Variants in CNKSR3 observed in about 807,000 individuals in gnomAD.
CNKSR3 encodes the protein connector enhancer of kinase suppressor of ras 3.
Under a neutral mutation model 67.7 loss-of-function variants are expected in CNKSR3, and 36 were observed. The observed-to-expected ratio is 0.53, with a 90% confidence interval of 0.41 to 0.70. The LOEUF is 0.70. Among genes scored for constraint, CNKSR3 ranks in the 30% least tolerant of loss-of-function variants. The pLI, the probability that CNKSR3 is intolerant of heterozygous loss-of-function variation, is 0.00. For synonymous variants in CNKSR3, 281 were observed against 271.4 expected, an observed-to-expected ratio of 1.04 and a Z score of -0.35; for missense variants, 630 against 695.2, an observed-to-expected ratio of 0.91 and a Z score of 1.05.
At chr6:154,407,731 C>G (rs1784826017) in intron 12 of CNKSR3, among the ~76,000 whole-genome samples, 1 of 152,078 alleles carries the variant, frequency 6.6e-6, no homozygotes, top group Non-Finnish European at 1.5e-5. Context: ...GGATTAGAGG[C>G]ATGAGCCACC....
rs1284892777 is a variant in CNKSR3 at position 154,496,841 on chromosome 6, C to T, written c.52+13222G>A. On this transcript the variant is annotated intron_variant, in intron 1 of 12. Transcript: ENST00000607772. ...AATGCTAATGATGTAAATGTTTTTC[C>T]CTCATCCTCAAAACCTTTTATCAGG... Among the ~76,000 whole-genome samples, 3 of 151,996 alleles carry T rather than the reference C, an allele frequency of 2.0e-5. No individual in the cohort carries two copies. In the East Asian group the frequency reaches 5.8e-4, roughly 29 times the overall value.
chr6:154,391,621 A>G lies in CNKSR3; in HGVS notation c.*14733T>C, dbSNP rs1376204136. On this transcript the variant is annotated 3_prime_UTR_variant, in exon 13 of 13. Coordinates refer to ENST00000607772, the MANE Select transcript of CNKSR3 (RefSeq NM_173515.4). ...ACTTCAATATGTGAATTTGGAGAGA[A>G]CGTAATTTAGTTCATGCCATTTTGT... 2.0e-5 allele frequency: 3 copies of G among 152,234 alleles called. No individual in the cohort carries two copies. Among genetic ancestry groups the G allele is most frequent in the Non-Finnish European group, 4.4e-5 (3 of 68,036 alleles). The allele number at this position is 152,234 out of a possible 1,614,324, so 9.4% of individuals were successfully genotyped here. A position where few individuals can be genotyped will look rare whatever the true frequency, so the allele number is the denominator to read the frequency against.
At chr6:154,474,426 TGG>T (rs71826489) in intron 1 of CNKSR3, among the ~76,000 whole-genome samples, 2 of 140,934 alleles carry the variant, frequency 1.4e-5, no homozygotes, top group Admixed American at 1.4e-4. Context: ...AAAAAAAAAG[TGG>T]GGGGGGGCAA....
chr6:154,423,052 CT>C (rs1785179012), intron 7 of CNKSR3, 69 bp from the exon 8 acceptor site: 1 of 1,063,530 alleles, frequency 9.4e-7, no homozygotes, highest in Non-Finnish European at 1.4e-6. Flanking sequence ...TTTATTTCTT[CT>C]TTCTTCTGTA....
Position 154,401,871 on chromosome 6 carries a change from T to A in CNKSR3, c.*4483A>T, listed in dbSNP as rs1023996202. 3.3e-5 allele frequency: 5 copies of A among 152,186 alleles called. No homozygotes were observed. Among genetic ancestry groups the A allele is most frequent in the African/African-American group, 1.2e-4 (5 of 41,454 alleles). 9.4% of individuals were successfully genotyped at this position (152,186 alleles called of 1,614,324 possible). On this transcript the variant is annotated 3_prime_UTR_variant, in exon 13 of 13. Coordinates refer to ENST00000607772, the MANE Select transcript of CNKSR3 (RefSeq NM_173515.4). ...CATTCAAATGTCAGACAGATTTACT[T>A]ACTCGAGCTCTTTGGCGGATGAAAA...
intron 7 of CNKSR3, among the ~76,000 whole-genome samples, chr6:154,423,388 C>A (rs147644644): frequency 6.6e-6 from 1 of 152,158 alleles, no homozygotes; most frequent in Non-Finnish European, 1.5e-5. Context: ...CTCAGCCTCC[C>A]GAGTAGCTGA....
chr6:154,412,364 G>A (rs1305682924), intron 10 of CNKSR3, among the ~76,000 whole-genome samples: 2 of 152,072 alleles, frequency 1.3e-5, no homozygotes, highest in Non-Finnish European at 2.9e-5. Flanking sequence ...GCGTCTTCCC[G>A]AGCAGTTTAA....
chr6:154,437,286 C>G (rs1435446031), intron 4 of CNKSR3, among the ~76,000 whole-genome samples: 1 of 152,116 alleles, frequency 6.6e-6, no homozygotes, highest in Non-Finnish European at 1.5e-5. Flanking sequence ...AATCTCATTG[C>G]TACCATCACA....
intron 1 of CNKSR3, among the ~76,000 whole-genome samples, chr6:154,494,364 C>A (rs1000027147): frequency 6.6e-6 from 1 of 152,088 alleles, no homozygotes; most frequent in South Asian, 2.1e-4. Flanking sequence ...CTCACCAGGG[C>A]CCTCCCATGA....
chr6:154,464,080 C>A (rs990201429), intron 1 of CNKSR3, among the ~76,000 whole-genome samples: 1 of 152,152 alleles, frequency 6.6e-6, no homozygotes, highest in Non-Finnish European at 1.5e-5. Flanking sequence ...TAAGATCATA[C>A]GAGGCCAGAA....
rs9371799 is a variant in CNKSR3, at chr6:154,389,416, T to C, written c.*16938A>G. On this transcript the variant is annotated 3_prime_UTR_variant, in exon 13 of 13. Transcript: ENST00000607772. ...GTTGACAATATACATGTGAATCTAT[T>C]TCTGGACTCTCTATTCTGTTCCATT... The C allele has an allele frequency of 0.2, 30,888 of 152,252 alleles. 3,343 individuals carry two copies. Among genetic ancestry groups the C allele is most frequent in the East Asian group, 0.36 (1,881 of 5,176 alleles). The allele number at this position is 152,252 out of a possible 1,614,324, so 9.4% of individuals were successfully genotyped here.
rs1784869123 is a variant in CNKSR3 at position 154,409,737 on chromosome 6, C to A, written c.1369+606G>T. On this transcript the variant is annotated intron_variant, in intron 12 of 12. Transcript: ENST00000607772. ...AGATTGTTTAATGAATAATTTATTT[C>A]TATTCATTAAAAAATTAGACTATTG... 3.3e-5 allele frequency among the ~76,000 whole-genome samples: 5 copies of A among 151,902 alleles called. No homozygotes were observed. In the South Asian group the frequency reaches 1.0e-3, roughly 32 times the overall value.
At chr6:154,509,498 T>A (rs560631440) in intron 1 of CNKSR3, among the ~76,000 whole-genome samples, 2 of 150,714 alleles carry the variant, frequency 1.3e-5, no homozygotes, top group South Asian at 4.2e-4. Flanking sequence ...TCGAGGTTTC[T>A]CCCTGGCGCA....
chr6:154,416,301 A>C (rs1162612980), intron 9 of CNKSR3, among the ~76,000 whole-genome samples: 2 of 152,162 alleles, frequency 1.3e-5, no homozygotes, highest in Non-Finnish European at 2.9e-5. Context: ...TTTTCAGGAG[A>C]GATACCAAGT....
intron 12 of CNKSR3, among the ~76,000 whole-genome samples, chr6:154,408,498 G>A (rs1784847010): frequency 6.6e-6 from 1 of 152,176 alleles, no homozygotes; most frequent in South Asian, 2.1e-4. Context: ...CTTTTGTAAT[G>A]AAAGGGGAAC....
At chr6:154,451,792 A>AT (rs1280073941) in intron 1 of CNKSR3, among the ~76,000 whole-genome samples, 1 of 152,214 alleles carries the variant, frequency 6.6e-6, no homozygotes, top group African/African-American at 2.4e-5. Flanking sequence ...AGAGGAAGTA[A>AT]TAAAAAAAAC....
intron 2 of CNKSR3, among the ~76,000 whole-genome samples, chr6:154,448,307 G>T (rs764924313): frequency 2.0e-5 from 3 of 151,316 alleles, no homozygotes; most frequent in Admixed American, 1.3e-4. Flanking sequence ...GGATTTCCAA[G>T]TAAATTTACC....
chr6:154,442,920 C>T (rs141804896), intron 2 of CNKSR3, among the ~76,000 whole-genome samples: 2,559 of 152,120 alleles, frequency 0.017, 61 homozygotes, highest in African/African-American at 0.059. Context: ...GACGGAGTCT[C>T]ACTGTGTCGC....
At chr6:154,476,305 A>G (rs1454483681) in intron 1 of CNKSR3, among the ~76,000 whole-genome samples, 2 of 151,966 alleles carry the variant, frequency 1.3e-5, no homozygotes, top group Non-Finnish European at 2.9e-5. Context: ...AAAAACACAA[A>G]AATTAGCTGT....
Sources: gnomAD v4.1 joint callset for allele counts (sites outside exome capture counted in the v4.1 genomes callset) on GRCh38, gnomAD v4.1.1 for gene constraint, MANE v1.5 for transcripts, NCBI Gene and HGNC (gene_info 2026-07-23, HGNC 2026-07-21) for gene names.